Variants in GPR39 observed in about 807,000 individuals in gnomAD.
The protein encoded by GPR39 is zinc sensing receptor.
GPR39 carries 23 observed loss-of-function variants against 18.4 expected under a neutral mutation model. That is an observed-to-expected ratio of 1.25 (90% CI 0.90 to 1.77). The LOEUF is 1.77. GPR39 is among the 40% of genes most tolerant of loss of function. The pLI is 0.00. For synonymous variants in GPR39, 280 were observed against 257.9 expected, an observed-to-expected ratio of 1.09 and a Z score of -0.82; for missense variants, 647 against 602.4, an observed-to-expected ratio of 1.07 and a Z score of -0.78.
chr2:132,612,942 AC>A (rs1681261710), intron 1 of GPR39, among the ~76,000 whole-genome samples: 1 of 152,122 alleles, frequency 6.6e-6, no homozygotes, highest in African/African-American at 2.4e-5. Flanking sequence ...GACATGGTAT[AC>A]CCCTGTTCAT....
At chr2:132,457,862 G>T (rs960032111) in intron 1 of GPR39, among the ~76,000 whole-genome samples, 1 of 152,216 alleles carries the variant, frequency 6.6e-6, no homozygotes, top group African/African-American at 2.4e-5. Context: ...CCCTAGCCAG[G>T]CTGCCACCTC....
At chr2:132,523,979 A>G (rs564839963) in intron 1 of GPR39, 1 of 152,768 alleles carries the variant, frequency 6.5e-6, no homozygotes, top group South Asian at 2.1e-4. Context: ...ATCACCCAGG[A>G]ACTTTTGAGA....
Position 132,597,736 on chromosome 2 carries a change from C to A in GPR39, c.857-47365C>A, listed in dbSNP as rs913621732. Among the ~76,000 whole-genome samples, 11 of 152,170 alleles carry A rather than the reference C, an allele frequency of 7.2e-5. 1 individual carries two copies. The highest frequency in any genetic ancestry group is 2.6e-4 in the Admixed American group (4 of 15,282). ...CATTTATAAATCAGCTGAAGAATATCTGATAGGGGAACCCAAGTCAAACAG... is the reference window on the plus strand; with the variant it reads ...CATTTATAAATCAGCTGAAGAATATATGATAGGGGAACCCAAGTCAAACAG... On this transcript the variant is annotated intron_variant, in intron 1 of 1. Transcript: ENST00000329321.
At chr2:132,603,656 A>G (rs1435793431) in intron 1 of GPR39, among the ~76,000 whole-genome samples, 1 of 152,304 alleles carries the variant, frequency 6.6e-6, no homozygotes, top group East Asian at 1.9e-4. Context: ...CAATTATTAC[A>G]TGTCAACTAA....
chr2:132,500,721 G>T (rs72848708), intron 1 of GPR39, among the ~76,000 whole-genome samples: 49 of 151,976 alleles, frequency 3.2e-4, no homozygotes, highest in Non-Finnish European at 6.6e-4. Flanking sequence ...GACTTTTTTT[G>T]TTGGCAATTT....
chr2:132,574,460 G>A lies in GPR39; in HGVS notation c.857-70641G>A, dbSNP rs56225817. 7.1e-3 allele frequency among the ~76,000 whole-genome samples: 1,081 copies of A among 152,258 alleles called. 16 individuals carry two copies. Among genetic ancestry groups the A allele is most frequent in the African/African-American group, 0.024 (1,000 of 41,542 alleles). ...TTAAGTATATTACAGGCCAGACATG[G>A]TGGCTCATGCCTGTAATCCCAGCAC... On this transcript the variant is annotated intron_variant, in intron 1 of 1. Coordinates refer to ENST00000329321, the MANE Select transcript of GPR39 (RefSeq NM_001508.3).
chr2:132,446,588 G>T (rs1034997576), intron 1 of GPR39, among the ~76,000 whole-genome samples: 4 of 152,300 alleles, frequency 2.6e-5, no homozygotes, highest in Middle Eastern at 3.4e-3. Flanking sequence ...AAAGAATTTT[G>T]TGCCTCTGCC....
In GPR39 at chr2:132,555,906, C is replaced by T. The variant is rs533481146; in HGVS notation, c.857-89195C>T. ...TAGGGGAGATGTTACTCAAGTATCC[C>T]AAACTTGAGTGTTCATTAGAACTAC... On this transcript the variant is annotated intron_variant, in intron 1 of 1. Transcript: ENST00000329321. Among the ~76,000 whole-genome samples the T allele has an allele frequency of 2.6e-5, 4 of 152,230 alleles. No individual in the cohort carries two copies. The South Asian group carries it at 8.3e-4, about 32-fold the overall frequency.
intron 1 of GPR39, among the ~76,000 whole-genome samples, chr2:132,525,591 G>C (rs1052756365): frequency 2.0e-5 from 3 of 152,316 alleles, no homozygotes; most frequent in Middle Eastern, 6.8e-3. Context: ...GGTTGACTGA[G>C]GAGTGGGTAG....
At chr2:132,426,833 A>G (rs964947086) in intron 1 of GPR39, among the ~76,000 whole-genome samples, 13 of 152,060 alleles carry the variant, frequency 8.5e-5, no homozygotes, top group Admixed American at 3.3e-4. Context: ...TCGGGAGGCA[A>G]GGCTGCAGCA....
intron 1 of GPR39, among the ~76,000 whole-genome samples, chr2:132,592,856 A>C (rs1680870974): frequency 6.6e-6 from 1 of 152,164 alleles, no homozygotes. Context: ...CAGACCCTAC[A>C]GATGAAGGAG....
chr2:132,593,534 G>C (rs948512683), intron 1 of GPR39, among the ~76,000 whole-genome samples: 1 of 152,182 alleles, frequency 6.6e-6, no homozygotes, highest in Non-Finnish European at 1.5e-5. Flanking sequence ...ACTCCTAGGA[G>C]CTGAGGAGAA....
chr2:132,452,303 C>T (rs1007121193), intron 1 of GPR39, among the ~76,000 whole-genome samples: 2 of 152,094 alleles, frequency 1.3e-5, no homozygotes, highest in Non-Finnish European at 2.9e-5. Flanking sequence ...ACAATGTATT[C>T]AAGTCTTCTT....
intron 1 of GPR39, among the ~76,000 whole-genome samples, chr2:132,519,180 C>T (rs1046166070): frequency 2.0e-5 from 3 of 152,074 alleles, no homozygotes; most frequent in African/African-American, 2.4e-5. Context: ...TCCCTGTCAC[C>T]ATCCACCTCC....
intron 1 of GPR39, among the ~76,000 whole-genome samples, chr2:132,427,150 A>AGG (rs1430214122): frequency 1.3e-5 from 1 of 76,974 alleles, no homozygotes; most frequent in Non-Finnish European, 2.5e-5. Context: ...ATATATATAT[A>AGG]TATATATATA....
At chr2:132,503,320 C>T (rs1245337009) in intron 1 of GPR39, among the ~76,000 whole-genome samples, 1 of 152,104 alleles carries the variant, frequency 6.6e-6, no homozygotes, top group Non-Finnish European at 1.5e-5. Flanking sequence ...GAGAGCTGAA[C>T]TCTAGTGATT....
intron 1 of GPR39, among the ~76,000 whole-genome samples, chr2:132,537,111 A>T (rs1409394557): frequency 1.3e-5 from 2 of 152,154 alleles, no homozygotes; most frequent in African/African-American, 4.8e-5. Flanking sequence ...TCCTGTCATC[A>T]TGTTGCTATC....
chr2:132,598,936 A>T (rs1025121261), intron 1 of GPR39, among the ~76,000 whole-genome samples: 8 of 152,020 alleles, frequency 5.3e-5, no homozygotes, highest in African/African-American at 1.7e-4. Context: ...GAAAGGGATG[A>T]GCTGCTGGAA....
intron 1 of GPR39, among the ~76,000 whole-genome samples, chr2:132,632,059 G>A (rs916621855): frequency 4.6e-5 from 7 of 152,060 alleles, no homozygotes; most frequent in South Asian, 2.1e-4. Context: ...AACCTCAAGC[G>A]ATCTGCCCTC....
Sources: gnomAD v4.1 joint callset for allele counts (sites outside exome capture counted in the v4.1 genomes callset) on GRCh38, gnomAD v4.1.1 for gene constraint, MANE v1.5 for transcripts, NCBI Gene and HGNC (gene_info 2026-07-23, HGNC 2026-07-21) for gene names.